The following DSCAML1 variants were observed in gnomAD, a reference collection of about 807,000 sequenced individuals.
DSCAML1 encodes cell adhesion molecule DSCAML1.
DSCAML1 carries 38 observed loss-of-function variants against 200.5 expected under a neutral mutation model. The observed-to-expected ratio is 0.19, with a 90% CI of 0.15 to 0.25. The LOEUF (loss-of-function observed/expected upper bound fraction) is 0.25. DSCAML1 is among the 10% of genes least tolerant of loss of function. The pLI, the probability that DSCAML1 is intolerant of heterozygous loss-of-function variation, is 1.00. For missense variants in DSCAML1, 2,223 were observed against 2,858.8 expected, an observed-to-expected ratio of 0.78 and a Z score of 5.07; for synonymous variants, 1,215 against 1,165.0, an observed-to-expected ratio of 1.04 and a Z score of -0.87.
At chr11:117,650,240 G>T (rs1246698757) in intron 3 of DSCAML1, among the ~76,000 whole-genome samples, 1 of 152,188 alleles carries the variant, frequency 6.6e-6, no homozygotes, top group African/African-American at 2.4e-5. Context: ...ATGATTCTGA[G>T]GTGCTGCCAG....
At chr11:117,702,327 G>T (rs889722049) in intron 3 of DSCAML1, among the ~76,000 whole-genome samples, 3 of 152,062 alleles carry the variant, frequency 2.0e-5, no homozygotes, top group African/African-American at 7.2e-5. Context: ...CACTGCCCCT[G>T]GGGGCCCTAG....
upstream of DSCAML1, among the ~76,000 whole-genome samples, chr11:117,798,963 C>T (rs1565292306): frequency 6.6e-6 from 1 of 152,166 alleles, no homozygotes; most frequent in Non-Finnish European, 1.5e-5. Flanking sequence ...TCTGGAAACA[C>T]AGGCATAGAA....
chr11:117,454,236 C>T (rs771145498), intron 19 of DSCAML1, among the ~76,000 whole-genome samples: 8 of 152,118 alleles, frequency 5.3e-5, no homozygotes, highest in African/African-American at 7.2e-5. Flanking sequence ...GTGCAAAATC[C>T]GAGATTCCAC....
chr11:117,688,487 G>A (rs561548877), intron 3 of DSCAML1, among the ~76,000 whole-genome samples: 59 of 152,330 alleles, frequency 3.9e-4, no homozygotes, highest in Admixed American at 2.2e-3. Context: ...CAGGCAGGGA[G>A]AAGAGCCACC....
At chr11:117,718,367 T>C (rs1325559152) in intron 3 of DSCAML1, among the ~76,000 whole-genome samples, 1 of 151,402 alleles carries the variant, frequency 6.6e-6, no homozygotes, top group Non-Finnish European at 1.5e-5. Context: ...AAGTTGGGGG[T>C]GAAAGGGGTT....
rs577052712 is a variant in DSCAML1, at chr11:117,526,804, C to T, written c.659-1721G>A. 5.9e-5 allele frequency among the ~76,000 whole-genome samples: 9 copies of T among 152,264 alleles called. No homozygotes were observed. The East Asian group carries it at 1.7e-3, about 29-fold the overall frequency. ...GTGCTGAGATTACAGGCATGAGCCA[C>T]CGTGCCCAGCTCAGAACTTCCCCTT... On this transcript the variant is annotated intron_variant, in intron 4 of 32. Coordinates refer to ENST00000651296, the MANE Select transcript of DSCAML1 (RefSeq NM_020693.4).
intron 3 of DSCAML1, among the ~76,000 whole-genome samples, chr11:117,643,051 G>A (rs2052444152): frequency 1.3e-5 from 2 of 152,250 alleles, no homozygotes; most frequent in East Asian, 1.9e-4. Context: ...TGGTGTACTT[G>A]TTACCTAGTT....
chr11:117,595,029 C>A (rs2051334262), intron 3 of DSCAML1, among the ~76,000 whole-genome samples: 1 of 138,936 alleles, frequency 7.2e-6, no homozygotes, highest in Non-Finnish European at 1.6e-5. Flanking sequence ...TTTCCTCCCT[C>A]CTGATATAAT....
rs983349139 is a variant in DSCAML1, at chr11:117,518,665, G to T, written c.1311C>A (p.Pro437=). 2.5e-6 allele frequency: 4 copies of T among 1,613,176 alleles called. No individual in the cohort carries two copies. The South Asian group carries it at 4.4e-5, about 18-fold the overall frequency. ...LMCAAKGAPP[P]TVTWALDDEP... The stretch of plus-strand genomic sequence containing the variant: ...CATCGTCGAGGGCCCAGGTGACCGT[G>T]GGGGGCGGGGCGCCCTTGGCCGCAC... Residue 437 remains proline (P), a synonymous_variant, in exon 7 of 33, where the codon CCC becomes CCA. Transcript: ENST00000651296. The surrounding 1 kb of genome is among the most constrained non-coding windows in gnomAD (Gnocchi z 6.3).
rs202244532 is a variant in DSCAML1, at chr11:117,606,433, CTT to C, written c.512-73913_512-73912del. On this transcript the variant is annotated intron_variant, in intron 3 of 32. Transcript: ENST00000651296. Reference sequence around the variant, plus strand: ...GTGAATAGCTCTGAGGGTTAAAACACTTTGATCGATGAGTTAAACCCCACTTC... The same window carrying C: ...GTGAATAGCTCTGAGGGTTAAAACACTGATCGATGAGTTAAACCCCACTTC... Among the ~76,000 whole-genome samples, 1,074 of 152,312 alleles carry C rather than the reference CTT, an allele frequency of 7.1e-3. 9 individuals are homozygous for C. Among genetic ancestry groups the C allele is most frequent in the Non-Finnish European group, 0.011 (769 of 68,034 alleles).
At chr11:117,443,435 A>G (rs1163557871) in intron 21 of DSCAML1, among the ~76,000 whole-genome samples, 3 of 152,240 alleles carry the variant, frequency 2.0e-5, no homozygotes, top group Non-Finnish European at 1.5e-5. Flanking sequence ...GATCGCAGGA[A>G]TCCGCCATCG....
At chr11:117,696,267 C>G (rs541869557) in intron 3 of DSCAML1, among the ~76,000 whole-genome samples, 5 of 152,130 alleles carry the variant, frequency 3.3e-5, no homozygotes, top group Non-Finnish European at 4.4e-5. Flanking sequence ...CTGGTTCCCC[C>G]CTGGGGGCTT....
At chr11:117,535,903 G>A (rs1245793327) in intron 3 of DSCAML1, among the ~76,000 whole-genome samples, 2 of 113,130 alleles carry the variant, frequency 1.8e-5, no homozygotes, top group Admixed American at 1.1e-4. Context: ...ACTAGGGGTG[G>A]GGGGTGGGGG....
intron 32 of DSCAML1, 124 bp from the exon 33 acceptor site, chr11:117,428,927 G>T (rs2047725842): frequency 3.6e-6 from 3 of 834,614 alleles, no homozygotes; most frequent in Non-Finnish European, 5.6e-6. Context: ...CCCCTCCACT[G>T]GGGGGCAATA....
At chr11:117,743,698 T>C (rs2054465208) in intron 3 of DSCAML1, among the ~76,000 whole-genome samples, 1 of 152,212 alleles carries the variant, frequency 6.6e-6, no homozygotes, top group Admixed American at 6.5e-5. Context: ...CTTCAAACGC[T>C]CTCTCATTTA....
In DSCAML1 at chr11:117,516,496, A is replaced by T; in HGVS notation, c.1754T>A (p.Ile585Asn). ...CSVLIQPQLS[I>N]SQSVHVAVKV... ...GACGGCTACGTGAACGCTCTGGCTG[A>T]TGGAGAGCTGGGGCTGGATGAGGAC... The change falls in exon 8 of 33, where the codon ATC becomes AAC. Residue 585 changes from isoleucine to asparagine, a missense_variant. By Grantham distance (149) the Ile-to-Asn change is moderately radical. This residue lies in a region of DSCAML1 where 212 missense variants were observed against 368.0 expected (regional missense o/e 0.58). Transcript: ENST00000651296. This position sits in a 1 kb window ranked among gnomAD's most constrained non-coding sequence, Gnocchi z 5.7. The T allele has an allele frequency of 6.2e-7, 1 of 1,613,864 alleles. No individual in the cohort carries two copies. The highest frequency in any genetic ancestry group is 8.5e-7 in the Non-Finnish European group (1 of 1,179,968).
chr11:117,664,569 C>T (rs1233903822), intron 3 of DSCAML1, among the ~76,000 whole-genome samples: 1 of 152,146 alleles, frequency 6.6e-6, no homozygotes, highest in Non-Finnish European at 1.5e-5. Context: ...AAGTACCTAG[C>T]GCTGTATGTG....
At chr11:117,760,667 T>C (rs1470518153) in intron 3 of DSCAML1, among the ~76,000 whole-genome samples, 10 of 152,254 alleles carry the variant, frequency 6.6e-5, no homozygotes, top group Admixed American at 6.5e-4. Flanking sequence ...ACTAATCCTG[T>C]CCATGTCTTT....
chr11:117,494,532 T>A (rs1453918190), intron 11 of DSCAML1, among the ~76,000 whole-genome samples: 1 of 152,240 alleles, frequency 6.6e-6, no homozygotes, highest in Non-Finnish European at 1.5e-5. Flanking sequence ...CAGTTTCAGA[T>A]GCTGGAAAGC....
Sources: gnomAD v4.1 joint callset for allele counts (sites outside exome capture counted in the v4.1 genomes callset) on GRCh38, gnomAD v4.1.1 for gene constraint, gnomAD v4.1.1 regional missense constraint, Gnocchi (gnomAD v3.1) non-coding constraint, MANE v1.5 for transcripts, NCBI Gene and HGNC (gene_info 2026-07-23, HGNC 2026-07-21) for gene names.